Variants in STX2 observed in about 807,000 individuals in gnomAD.
STX2 encodes the protein syntaxin 2.
Under a neutral mutation model 40.6 loss-of-function variants are expected in STX2, and 27 were observed. The observed-to-expected ratio is 0.66, with a 90% CI of 0.49 to 0.92. The LOEUF (loss-of-function observed/expected upper bound fraction) is 0.92, where lower values mean the gene tolerates loss of function less well. Ranked by LOEUF, STX2 falls within the 40% of genes least tolerant of loss-of-function variation. The pLI, the probability that STX2 is intolerant of heterozygous loss-of-function variation, is 0.00. For missense variants in STX2, 328 were observed against 366.1 expected, an observed-to-expected ratio of 0.90 and a Z score of 0.85; for synonymous variants, 123 against 119.1, an observed-to-expected ratio of 1.03 and a Z score of -0.22.
chr12:130,815,147 G>C (rs1951812924), intron 3 of STX2, among the ~76,000 whole-genome samples: 1 of 152,174 alleles, frequency 6.6e-6, no homozygotes, highest in Non-Finnish European at 1.5e-5. Context: ...AGAGAAACTA[G>C]ACACAAAGGG....
rs1262030705 is a variant in STX2, at chr12:130,790,271, TTAAG to T, written c.*1748_*1751del. ...TGGATGAGGGAGATTCGGAATTGTGTTAAGTAAGGGACGCGGCTTCTGAGCCATT... is the reference window on the plus strand; with the variant it reads ...TGGATGAGGGAGATTCGGAATTGTGTTAAGGGACGCGGCTTCTGAGCCATT... On this transcript the variant is annotated 3_prime_UTR_variant, in exon 11 of 11. Transcript: ENST00000392373. The T allele has an allele frequency of 6.6e-6, 1 of 152,192 alleles. No individual in the cohort carries two copies. Among genetic ancestry groups the T allele is most frequent in the Non-Finnish European group, 1.5e-5 (1 of 68,042 alleles). The allele number at this position is 152,192 out of a possible 1,614,324, so 9.4% of individuals were successfully genotyped here. A position where few individuals can be genotyped will look rare whatever the true frequency, so the allele number is the denominator to read the frequency against.
Position 130,827,254 on chromosome 12 carries a change from T to A in STX2, c.44A>T (p.Asp15Val), listed in dbSNP as rs772568596. 55 of 1,613,628 alleles carry A rather than the reference T, an allele frequency of 3.4e-5. No individual in the cohort carries two copies. The highest frequency in any genetic ancestry group is 4.6e-5 in the Non-Finnish European group (54 of 1,179,768). ...AACCACAACAACTGTGTCTCCATCA[T>A]CATTCTTCCTACACTACAATGAAAA... Reference protein sequence around the residue: ...LPDLTACRKNDDGDTVVVVEK... With the variant: ...LPDLTACRKNVDGDTVVVVEK... The change falls in exon 2 of 11, where the codon GAT becomes GTT. Residue 15 changes from aspartate (D) to valine (V), a missense_variant. Coordinates refer to ENST00000392373, the MANE Select transcript of STX2 (RefSeq NM_194356.4).
intron 6 of STX2, among the ~76,000 whole-genome samples, chr12:130,804,739 A>G (rs1004931294): frequency 6.6e-6 from 1 of 151,578 alleles, no homozygotes; most frequent in Non-Finnish European, 1.5e-5. Context: ...GAATAGCCAC[A>G]TGGAGGGTTT....
intron 2 of STX2, among the ~76,000 whole-genome samples, chr12:130,824,651 C>A (rs1026139506): frequency 1.3e-5 from 2 of 152,126 alleles, no homozygotes; most frequent in Admixed American, 6.5e-5. Context: ...AAATCATCTT[C>A]ACAGAAACAA....
intron 1 of STX2, among the ~76,000 whole-genome samples, chr12:130,834,830 T>C (rs998225436): frequency 1.3e-5 from 2 of 152,256 alleles, no homozygotes; most frequent in Admixed American, 1.3e-4. Context: ...GTTCATATAT[T>C]AAACTCTTAG....
At chr12:130,794,476 C>T (rs186206552) in intron 10 of STX2, among the ~76,000 whole-genome samples, 2 of 152,114 alleles carry the variant, frequency 1.3e-5, no homozygotes, top group Non-Finnish European at 2.9e-5. Context: ...GCATGGTGAG[C>T]GTAACAGATG....
intron 1 of STX2, among the ~76,000 whole-genome samples, chr12:130,827,487 G>A (rs1208436528): frequency 6.6e-6 from 1 of 152,224 alleles, no homozygotes; most frequent in Admixed American, 6.5e-5. Context: ...AAGACCTGGA[G>A]AGAAACAAGG....
At chr12:130,798,171 C>T (rs1056036629) in intron 9 of STX2, among the ~76,000 whole-genome samples, 6 of 150,536 alleles carry the variant, frequency 4.0e-5, no homozygotes, top group African/African-American at 9.8e-5. Context: ...CACTTGAACC[C>T]GGGAGGTGGA....
chr12:130,811,074 A>G (rs1171004928), intron 4 of STX2: 1 of 152,214 alleles, frequency 6.6e-6, no homozygotes, highest in Non-Finnish European at 1.5e-5. Flanking sequence ...CAAAGAAGGA[A>G]GAATAAAATC....
Position 130,795,986 on chromosome 12 carries a change from G to A in STX2, c.*45+9C>T. Reference sequence around the variant, plus strand: ...AGTTAATAAGTAAATTAGTTGATGAGTTACTTACTCCCACCCTGGCAGAGA... The same window carrying A: ...AGTTAATAAGTAAATTAGTTGATGAATTACTTACTCCCACCCTGGCAGAGA... On this transcript the variant is annotated intron_variant, in intron 10 of 10. Coordinates refer to ENST00000392373, the MANE Select transcript of STX2 (RefSeq NM_194356.4). 6.3e-7 allele frequency: 1 copy of A among 1,596,004 alleles called. No homozygotes were observed. The highest frequency in any genetic ancestry group is 1.1e-5 in the South Asian group (1 of 87,618).
intron 3 of STX2, among the ~76,000 whole-genome samples, chr12:130,818,068 G>A (rs1169211205): frequency 1.1e-4 from 17 of 150,046 alleles, no homozygotes; most frequent in Non-Finnish European, 1.9e-4. Context: ...CGGGGAGTAC[G>A]CGCGGCTTCG....
At position 130,800,420 on chromosome 12, in the gene STX2, C is replaced by A. The variant is rs1361137980; in HGVS notation, c.675+733G>T. On this transcript the variant is annotated intron_variant, in intron 8 of 10. Transcript: ENST00000392373. ...GGCATAAACAATCCTCCCACCTCAGCCTCCCAGAGGAGTTTTCTATTTATT... is the reference window on the plus strand; with the variant it reads ...GGCATAAACAATCCTCCCACCTCAGACTCCCAGAGGAGTTTTCTATTTATT... 2.0e-5 allele frequency among the ~76,000 whole-genome samples: 3 copies of A among 152,076 alleles called. No homozygotes were observed. The South Asian group carries it at 6.2e-4, about 32-fold the overall frequency.
At chr12:130,829,562 G>A (rs901645860) in intron 1 of STX2, among the ~76,000 whole-genome samples, 20 of 152,056 alleles carry the variant, frequency 1.3e-4, no homozygotes, top group East Asian at 5.8e-4. Flanking sequence ...CTCCCCTTGC[G>A]GGGGACCCCC....
chr12:130,813,170 T>C, intron 3 of STX2, 139 bp from the exon 4 acceptor site: 1 of 513,776 alleles, frequency 1.9e-6, no homozygotes, highest in Non-Finnish European at 3.1e-6. Context: ...CTACCGCTTA[T>C]ACCAGTGGTT....
chr12:130,818,750 A>C (rs1225639725), intron 3 of STX2, among the ~76,000 whole-genome samples: 1 of 152,230 alleles, frequency 6.6e-6, no homozygotes, highest in African/African-American at 2.4e-5. Flanking sequence ...CAGGAAGCAG[A>C]GAAAACGGGA....
intron 3 of STX2, among the ~76,000 whole-genome samples, chr12:130,817,079 C>T (rs895823206): frequency 6.6e-6 from 1 of 151,694 alleles, no homozygotes; most frequent in Admixed American, 6.6e-5. Flanking sequence ...AAGCTCAAAA[C>T]TCAATCAAAA....
chr12:130,811,928 T>C (rs951724709), intron 4 of STX2, among the ~76,000 whole-genome samples: 2 of 152,164 alleles, frequency 1.3e-5, no homozygotes, highest in African/African-American at 4.8e-5. Flanking sequence ...AAAAAACACC[T>C]GAATCAGATA....
intron 10 of STX2, among the ~76,000 whole-genome samples, chr12:130,794,545 G>T (rs939003903): frequency 6.6e-6 from 1 of 152,184 alleles, no homozygotes; most frequent in African/African-American, 2.4e-5. Flanking sequence ...ACCCAGGCTG[G>T]AGTGCCGTGG....
intron 3 of STX2, among the ~76,000 whole-genome samples, chr12:130,814,184 CCTA>C (rs1334228656): frequency 6.6e-6 from 1 of 152,146 alleles, no homozygotes; most frequent in African/African-American, 2.4e-5. Context: ...ACCAGTGACA[CCTA>C]CTGAGTACTT....
Sources: allele counts gnomAD v4.1 joint callset (sites outside exome capture counted in the v4.1 genomes callset), GRCh38; gene constraint gnomAD v4.1.1; transcripts MANE v1.5; gene names NCBI Gene and HGNC (gene_info 2026-07-23, HGNC 2026-07-21).